The following PRKACB variants were observed in gnomAD, a reference collection of about 807,000 sequenced individuals.
PRKACB encodes the protein protein kinase cAMP-activated catalytic subunit beta.
A neutral mutation model predicts 51.4 loss-of-function variants in PRKACB; 16 were observed. That is an observed-to-expected ratio of 0.31 (90% confidence interval 0.21 to 0.47). PRKACB has a LOEUF of 0.47. Among genes scored for constraint, PRKACB ranks in the 20% least tolerant of loss-of-function variants. The pLI is 1.00. For missense variants in PRKACB, 309 were observed against 464.5 expected, an observed-to-expected ratio of 0.67 and a Z score of 3.08; for synonymous variants, 147 against 154.4, an observed-to-expected ratio of 0.95 and a Z score of 0.35.
intron 5 of PRKACB, among the ~76,000 whole-genome samples, chr1:84,188,028 T>C (rs994982368): frequency 1.3e-5 from 2 of 152,116 alleles, no homozygotes; most frequent in Non-Finnish European, 2.9e-5. Flanking sequence ...AGATTTTTAC[T>C]GGACCTGTGC....
chr1:84,184,305 G>A lies in PRKACB; in HGVS notation c.477+170G>A, dbSNP rs113153279. 3.9e-3 allele frequency among the ~76,000 whole-genome samples: 592 copies of A among 151,876 alleles called. 7 individuals carry two copies. Among genetic ancestry groups the A allele is most frequent in the African/African-American group, 0.013 (544 of 41,532 alleles). ...CTATTGTGCTTATAACTTAGGTAACGTTTGAAAAGGTTTTGATTCTCCCTG... is the reference window on the plus strand; with the variant it reads ...CTATTGTGCTTATAACTTAGGTAACATTTGAAAAGGTTTTGATTCTCCCTG... On this transcript the variant is annotated intron_variant, in intron 4 of 9. Transcript: ENST00000370685.
chr1:84,093,268 C>T (rs904832044), intron 1 of PRKACB, among the ~76,000 whole-genome samples: 4 of 139,550 alleles, frequency 2.9e-5, no homozygotes, highest in Non-Finnish European at 6.5e-5. Context: ...CAAGTGTGTG[C>T]ATCTCTCTCT....
chr1:84,087,717 C>T (rs1278037701), intron 1 of PRKACB, among the ~76,000 whole-genome samples: 1 of 151,968 alleles, frequency 6.6e-6, no homozygotes, highest in Non-Finnish European at 1.5e-5. Flanking sequence ...CTCTCTAGCC[C>T]CCAGCACTTT....
intron 8 of PRKACB, chr1:84,205,036 C>T: frequency 1.0e-6 from 1 of 982,786 alleles, no homozygotes; most frequent in Non-Finnish European, 1.2e-6. Flanking sequence ...ACCAGAAAAC[C>T]TTATTATATC....
chr1:84,084,827 C>G (rs1037565472), intron 1 of PRKACB, among the ~76,000 whole-genome samples: 1 of 152,030 alleles, frequency 6.6e-6, no homozygotes, highest in Admixed American at 6.5e-5. Flanking sequence ...TTACTGAACT[C>G]GGGATACCCG....
At chr1:84,129,028 A>G (rs1651912406) in intron 1 of PRKACB, among the ~76,000 whole-genome samples, 1 of 152,216 alleles carries the variant, frequency 6.6e-6, no homozygotes, top group African/African-American at 2.4e-5. Flanking sequence ...ACATATGAAT[A>G]AAAGCAATTT....
At chr1:84,078,180 T>C in exon 1 of PRKACB, 1 of 866,678 alleles carries the variant, frequency 1.2e-6, no homozygotes, top group Non-Finnish European at 1.7e-6. Context: ...CGGCCCGGTC[T>C]TCGCGCCCGG....
chr1:84,225,930 T>C (rs1254992329), intron 9 of PRKACB, among the ~76,000 whole-genome samples: 2 of 152,204 alleles, frequency 1.3e-5, no homozygotes, highest in Non-Finnish European at 2.9e-5. Flanking sequence ...CTTAGAGGCT[T>C]TATTCAACAT....
intron 1 of PRKACB, among the ~76,000 whole-genome samples, chr1:84,129,266 AT>A: frequency 6.6e-6 from 1 of 152,218 alleles, no homozygotes; most frequent in South Asian, 2.1e-4. Context: ...ATATATTACT[AT>A]TATAATTTTA....
intron 1 of PRKACB, chr1:84,164,881 G>A (rs1656888152): frequency 1.4e-6 from 2 of 1,403,952 alleles, no homozygotes; most frequent in East Asian, 2.6e-5. Context: ...TTCGTTTTCT[G>A]TGTGCTGCAT....
chr1:84,196,188 CA>C (rs1386263742), intron 5 of PRKACB, among the ~76,000 whole-genome samples: 2 of 152,112 alleles, frequency 1.3e-5, no homozygotes, highest in African/African-American at 4.8e-5. Flanking sequence ...AGAGCTTCTA[CA>C]TAGGGAAATT....
chr1:84,080,632 G>A (rs1012986350), intron 1 of PRKACB, among the ~76,000 whole-genome samples: 4 of 152,164 alleles, frequency 2.6e-5, no homozygotes, highest in African/African-American at 4.8e-5. Flanking sequence ...CAAAGAAATT[G>A]TATTTTAAAC....
In PRKACB at chr1:84,228,094, C is replaced by T. The variant is rs565763055; in HGVS notation, c.1072-7086C>T. Among the ~76,000 whole-genome samples the T allele has an allele frequency of 7.9e-5, 12 of 152,068 alleles. No homozygotes were observed. In the South Asian group the frequency reaches 1.7e-3, roughly 21 times the overall value. ...CAAAACAGCAGTCCCCAAAGCAGGGCGTGCAAGGCAACCAGCTCTCAAACA... is the reference window on the plus strand; with the variant it reads ...CAAAACAGCAGTCCCCAAAGCAGGGTGTGCAAGGCAACCAGCTCTCAAACA... On this transcript the variant is annotated intron_variant, in intron 9 of 9. Coordinates refer to ENST00000370685, the MANE Select transcript of PRKACB (RefSeq NM_182948.4).
upstream of PRKACB, among the ~76,000 whole-genome samples, chr1:84,143,318 G>C (rs1230854998): frequency 6.6e-6 from 1 of 152,102 alleles, no homozygotes; most frequent in East Asian, 1.9e-4. Context: ...CGGGCATGGT[G>C]GTGCGCGCCT....
intron 1 of PRKACB, among the ~76,000 whole-genome samples, chr1:84,084,010 CATGTCAGCA>C (rs1307238997): frequency 6.6e-6 from 1 of 152,122 alleles, no homozygotes; most frequent in Non-Finnish European, 1.5e-5. Context: ...GGAAGATAGA[CATGTCAGCA>C]AACACATGAA....
At chr1:84,207,393 C>G (rs931104747) in intron 8 of PRKACB, among the ~76,000 whole-genome samples, 46 of 152,116 alleles carry the variant, frequency 3.0e-4, no homozygotes, top group African/African-American at 1.1e-3. Flanking sequence ...CATATAGAAT[C>G]CAGGCTGATT....
intron 1 of PRKACB, among the ~76,000 whole-genome samples, chr1:84,167,007 A>G (rs1485612543): frequency 6.6e-6 from 1 of 151,556 alleles, no homozygotes; most frequent in Non-Finnish European, 1.5e-5. Flanking sequence ...GGAAGTGAAA[A>G]CAGAAACCTT....
At chr1:84,090,989 A>G (rs954632409) in intron 1 of PRKACB, among the ~76,000 whole-genome samples, 5 of 152,168 alleles carry the variant, frequency 3.3e-5, no homozygotes, top group Admixed American at 1.3e-4. Context: ...GTATAATAAT[A>G]TGTCTTCTCA....
At chr1:84,093,293 G>C (rs1391027944) in intron 1 of PRKACB, among the ~76,000 whole-genome samples, 2 of 146,670 alleles carry the variant, frequency 1.4e-5, no homozygotes, top group South Asian at 2.2e-4. Flanking sequence ...CTCTCTCTCT[G>C]TGTATGCGCT....
Sources: gnomAD v4.1 joint callset for allele counts (sites outside exome capture counted in the v4.1 genomes callset) on GRCh38, gnomAD v4.1.1 for gene constraint, MANE v1.5 for transcripts, NCBI Gene and HGNC (gene_info 2026-07-23, HGNC 2026-07-21) for gene names.